CDH13: variants seen among roughly 807,000 people sequenced by gnomAD.
The protein encoded by CDH13 is cadherin-13.
CDH13 carries 24 observed loss-of-function variants against 63.8 expected under a neutral mutation model. That is an observed-to-expected ratio of 0.38 (90% CI 0.27 to 0.53). The LOEUF (loss-of-function observed/expected upper bound fraction) is 0.53, where lower values mean the gene tolerates loss of function less well. Among genes scored for constraint, CDH13 ranks in the 20% least tolerant of loss-of-function variants. CDH13 has a pLI of 0.85. For synonymous variants in CDH13, 503 were observed against 355.3 expected, an observed-to-expected ratio of 1.42 and a Z score of -4.67; for missense variants, 1,049 against 903.1, an observed-to-expected ratio of 1.16 and a Z score of -2.07.
chr16:83,459,796 C>T (rs762650191), intron 6 of CDH13, among the ~76,000 whole-genome samples: 4 of 152,162 alleles, frequency 2.6e-5, no homozygotes, highest in Non-Finnish European at 5.9e-5. Context: ...TACCAGTAAA[C>T]GTCCCCTGAG....
chr16:83,595,348 G>A (rs938566993), intron 7 of CDH13, among the ~76,000 whole-genome samples: 5 of 152,130 alleles, frequency 3.3e-5, no homozygotes, highest in Non-Finnish European at 5.9e-5. Flanking sequence ...AAAGTAAATC[G>A]CCCACCTTGT....
intron 6 of CDH13, among the ~76,000 whole-genome samples, chr16:83,465,377 G>C (rs1393257815): frequency 6.6e-6 from 1 of 152,166 alleles, no homozygotes; most frequent in Non-Finnish European, 1.5e-5. Flanking sequence ...AGGAGGCTTT[G>C]ATAAACATGA....
intron 10 of CDH13, among the ~76,000 whole-genome samples, chr16:83,731,628 A>G (rs1205016734): frequency 6.6e-6 from 1 of 152,106 alleles, no homozygotes; most frequent in Non-Finnish European, 1.5e-5. Context: ...TATTCTGTTG[A>G]TAGTTTCTTT....
At chr16:83,349,312 G>A (rs2090903069) in intron 6 of CDH13, among the ~76,000 whole-genome samples, 2 of 152,180 alleles carry the variant, frequency 1.3e-5, no homozygotes, top group Non-Finnish European at 2.9e-5. Context: ...TGAGTAGGGG[G>A]TAGAGGGTGA....
intron 4 of CDH13, among the ~76,000 whole-genome samples, chr16:83,187,444 G>A (rs1377968734): frequency 1.3e-5 from 2 of 151,982 alleles, no homozygotes; most frequent in African/African-American, 4.8e-5. Flanking sequence ...ATGACTTGAG[G>A]CAAAGGTGAC....
At chr16:83,656,706 C>A (rs1222490383) in intron 8 of CDH13, among the ~76,000 whole-genome samples, 3 of 152,236 alleles carry the variant, frequency 2.0e-5, no homozygotes, top group African/African-American at 7.2e-5. Flanking sequence ...TGAATGACTG[C>A]ACAGAGAATC....
chr16:82,918,393 A>G (rs775907819), intron 2 of CDH13, among the ~76,000 whole-genome samples: 7 of 152,100 alleles, frequency 4.6e-5, no homozygotes, highest in Non-Finnish European at 8.8e-5. Flanking sequence ...ATGAGAGGTG[A>G]GTAGACAGCA....
At chr16:82,698,762 C>G (rs2030640895) in intron 1 of CDH13, among the ~76,000 whole-genome samples, 1 of 152,186 alleles carries the variant, frequency 6.6e-6, no homozygotes, top group African/African-American at 2.4e-5. Flanking sequence ...TTTTTACAAT[C>G]TATTACAGGA....
At chr16:83,657,167 T>C (rs778749519) in intron 8 of CDH13, among the ~76,000 whole-genome samples, 7 of 152,204 alleles carry the variant, frequency 4.6e-5, no homozygotes, top group Non-Finnish European at 8.8e-5. Context: ...AGACTGTGGA[T>C]CCAGCTCATT....
intron 8 of CDH13, among the ~76,000 whole-genome samples, chr16:83,666,631 C>T (rs1913978362): frequency 6.6e-6 from 1 of 152,210 alleles, no homozygotes; most frequent in African/African-American, 2.4e-5. Flanking sequence ...ATTCCAGCCA[C>T]ACCCAGCTTG....
rs1265937981 is a variant in CDH13 at position 83,795,147 on chromosome 16, A to G, written c.*117A>G. 6 of 786,904 alleles carry G rather than the reference A, an allele frequency of 7.6e-6. No homozygotes were observed. The highest frequency in any genetic ancestry group is 2.7e-5 in the East Asian group (1 of 36,846). The allele number at this position is 786,904 out of a possible 1,614,324, so 48.7% of individuals were successfully genotyped here. A position where few individuals can be genotyped will look rare whatever the true frequency, so the allele number is the denominator to read the frequency against. On this transcript the variant is annotated 3_prime_UTR_variant, in exon 14 of 14. Coordinates refer to ENST00000567109, the MANE Select transcript of CDH13 (RefSeq NM_001257.5). Reference sequence around the variant, plus strand: ...TATCGAACTTCACAACTAGGCCTCAATTGTTCCGGTTTTTTATTTTCTTTA... The same window carrying G: ...TATCGAACTTCACAACTAGGCCTCAGTTGTTCCGGTTTTTTATTTTCTTTA...
intron 5 of CDH13, among the ~76,000 whole-genome samples, chr16:83,306,210 C>T (rs368147546): frequency 6.6e-6 from 1 of 152,174 alleles, no homozygotes; most frequent in Non-Finnish European, 1.5e-5. Flanking sequence ...AGAAAGTATT[C>T]TATAAACAAG....
At chr16:83,637,317 AGCGTGAGCT>A (rs1417295649) in intron 8 of CDH13, among the ~76,000 whole-genome samples, 2 of 340 alleles carry the variant, frequency 5.9e-3, no homozygotes, top group Non-Finnish European at 0.25. Context: ...GAGCGCTCCC[AGCGTGAGCT>A]ACGCAGAAGA....
chr16:82,759,908 A>G (rs886189601), intron 1 of CDH13, among the ~76,000 whole-genome samples: 9 of 152,028 alleles, frequency 5.9e-5, no homozygotes, highest in Non-Finnish European at 1.3e-4. Flanking sequence ...CCCAATCCAC[A>G]TTTTTTAAAG....
intron 7 of CDH13, among the ~76,000 whole-genome samples, chr16:83,526,076 C>T (rs146820110): frequency 1.1e-3 from 160 of 152,264 alleles, no homozygotes; most frequent in African/African-American, 3.6e-3. Flanking sequence ...ACCGTGCTGT[C>T]GTAATTTGTT....
intron 7 of CDH13, among the ~76,000 whole-genome samples, chr16:83,584,588 C>T (rs1598330203): frequency 6.6e-6 from 1 of 152,128 alleles, no homozygotes; most frequent in Non-Finnish European, 1.5e-5. Context: ...GCAAAGGGAA[C>T]AGCATCTGTG....
rs2072323815 is a variant in CDH13 at position 83,436,968 on chromosome 16, G to A, written c.782-49509G>A. Among the ~76,000 whole-genome samples, 5 of 152,138 alleles carry A rather than the reference G, an allele frequency of 3.3e-5. 1 individual carries two copies. The South Asian group carries it at 1.0e-3, about 32-fold the overall frequency. On this transcript the variant is annotated intron_variant, in intron 6 of 13. Transcript: ENST00000567109. Reference sequence around the variant, plus strand: ...ATTTTTTTTTAATGTAGGAGACTGGGATGGTGAAACTCTTTCTTGATTTTG... The same window carrying A: ...ATTTTTTTTTAATGTAGGAGACTGGAATGGTGAAACTCTTTCTTGATTTTG...
chr16:83,234,302 C>T (rs1268813244), intron 5 of CDH13, among the ~76,000 whole-genome samples: 1 of 152,208 alleles, frequency 6.6e-6, no homozygotes, highest in Non-Finnish European at 1.5e-5. Context: ...CACAAAACAG[C>T]CGGCCACTTG....
At chr16:82,699,480 C>T (rs2030725761) in intron 1 of CDH13, among the ~76,000 whole-genome samples, 2 of 152,198 alleles carry the variant, frequency 1.3e-5, no homozygotes, top group South Asian at 2.1e-4. Flanking sequence ...AGCCGATTCC[C>T]AGGTCCCATT....
Sources: allele counts gnomAD v4.1 joint callset (sites outside exome capture counted in the v4.1 genomes callset), GRCh38; gene constraint gnomAD v4.1.1; transcripts MANE v1.5; gene names NCBI Gene and HGNC (gene_info 2026-07-23, HGNC 2026-07-21).